The following WDPCP variants were observed in gnomAD, a reference collection of about 807,000 sequenced individuals.
WDPCP encodes WD repeat-containing and planar cell polarity effector protein fritz homolog.
Under a neutral mutation model 93.1 loss-of-function variants are expected in WDPCP, and 71 were observed. That is an observed-to-expected ratio of 0.76 (90% CI 0.63 to 0.93). WDPCP has a LOEUF of 0.93. WDPCP is among the 40% of genes least tolerant of loss of function. The pLI is 0.00. For missense variants in WDPCP, 844 were observed against 887.4 expected, an observed-to-expected ratio of 0.95 and a Z score of 0.62; for synonymous variants, 315 against 315.0, an observed-to-expected ratio of 1.00 and a Z score of 0.00.
chr2:63,387,506 T>G (rs1481277539), intron 10 of WDPCP, among the ~76,000 whole-genome samples: 1 of 149,430 alleles, frequency 6.7e-6, no homozygotes, highest in African/African-American at 2.5e-5. Flanking sequence ...AATAATAGAG[T>G]AACCTATGAT....
At chr2:63,472,959 T>C (rs544319202) in intron 6 of WDPCP, among the ~76,000 whole-genome samples, 1 of 152,350 alleles carries the variant, frequency 6.6e-6, no homozygotes, top group Non-Finnish European at 1.5e-5. Context: ...CTGAATTTAG[T>C]TCCATTTACG....
At chr2:63,676,204 AAAG>A (rs1351847618) in intron 2 of WDPCP, among the ~76,000 whole-genome samples, 2 of 152,234 alleles carry the variant, frequency 1.3e-5, no homozygotes, top group African/African-American at 4.8e-5. Context: ...CAAGAATCCA[AAAG>A]AAGAAGAAAG....
intron 2 of WDPCP, among the ~76,000 whole-genome samples, chr2:63,754,418 T>C (rs1669926568): frequency 6.6e-6 from 1 of 152,234 alleles, no homozygotes. Context: ...GAATATTTAA[T>C]GTAATGCCTT....
At chr2:63,433,069 T>A (rs941992571) in intron 9 of WDPCP, among the ~76,000 whole-genome samples, 4 of 152,152 alleles carry the variant, frequency 2.6e-5, no homozygotes, top group African/African-American at 9.7e-5. Flanking sequence ...GAGAATTCTG[T>A]AACCAAAGTA....
chr2:63,432,878 A>G (rs1696865673), intron 9 of WDPCP, among the ~76,000 whole-genome samples: 2 of 152,208 alleles, frequency 1.3e-5, no homozygotes, highest in African/African-American at 4.8e-5. Context: ...AGAACACAGA[A>G]TTAGCTAGAA....
chr2:63,759,963 G>T (rs1404398304), intron 2 of WDPCP, among the ~76,000 whole-genome samples: 2 of 152,218 alleles, frequency 1.3e-5, no homozygotes, highest in Non-Finnish European at 2.9e-5. Flanking sequence ...GGGGTGATGG[G>T]TGATAGCTGT....
chr2:63,418,360 T>A (rs1241539381), intron 9 of WDPCP, among the ~76,000 whole-genome samples: 1 of 152,140 alleles, frequency 6.6e-6, no homozygotes, highest in South Asian at 2.1e-4. Context: ...ATGACAACGA[T>A]CTGAACAAAA....
chr2:63,592,981 T>G (rs1709228011), upstream of WDPCP: 2 of 152,190 alleles, frequency 1.3e-5, no homozygotes, highest in Middle Eastern at 3.4e-3. Flanking sequence ...GTGTAGGCCA[T>G]TAAAGATTTT....
intron 17 of WDPCP, among the ~76,000 whole-genome samples, chr2:63,141,700 ATTC>A (rs1216148065): frequency 1.2e-4 from 19 of 152,148 alleles, no homozygotes; most frequent in Non-Finnish European, 1.5e-5. Context: ...ATTGGTACCA[ATTC>A]TTCTTTGAAT....
At chr2:63,414,816 C>T (rs1210902031) in intron 9 of WDPCP, among the ~76,000 whole-genome samples, 1 of 152,138 alleles carries the variant, frequency 6.6e-6, no homozygotes, top group Non-Finnish European at 1.5e-5. Context: ...TCTCCCAAAT[C>T]ATCACTAAAG....
chr2:63,597,234 TG>T (rs1709331035), intron 3 of WDPCP: 1 of 948,360 alleles, frequency 1.1e-6, no homozygotes, highest in Admixed American at 6.2e-5. Flanking sequence ...ATGTTATGAT[TG>T]TTAAATTAAT....
At chr2:63,525,771 G>T (rs1233931605) in intron 1 of WDPCP, among the ~76,000 whole-genome samples, 1 of 152,182 alleles carries the variant, frequency 6.6e-6, no homozygotes. Context: ...GCCAAGGGAG[G>T]CAAGTTGAGG....
intron 2 of WDPCP, among the ~76,000 whole-genome samples, chr2:63,656,073 G>A (rs1710162817): frequency 6.6e-6 from 1 of 152,174 alleles, no homozygotes; most frequent in South Asian, 2.1e-4. Flanking sequence ...GCCCTGTGGG[G>A]AATTGGCTGA....
intron 13 of WDPCP, among the ~76,000 whole-genome samples, chr2:63,294,037 A>C (rs1357851633): frequency 6.6e-6 from 1 of 151,668 alleles, no homozygotes; most frequent in African/African-American, 2.4e-5. Context: ...AGATGAACTC[A>C]AATAAACCCA....
chr2:63,642,296 G>A (rs1391665642), intron 3 of WDPCP, among the ~76,000 whole-genome samples: 1 of 151,974 alleles, frequency 6.6e-6, no homozygotes, highest in Non-Finnish European at 1.5e-5. Flanking sequence ...TGATTAGTGT[G>A]GGTTTTTGTG....
chr2:63,444,452 C>G (rs903921489), intron 6 of WDPCP, among the ~76,000 whole-genome samples: 1 of 152,032 alleles, frequency 6.6e-6, no homozygotes, highest in Non-Finnish European at 1.5e-5. Context: ...AATATTCCAG[C>G]CCAGACAGGA....
At chr2:63,310,776 T>A (rs963689341) in intron 13 of WDPCP, among the ~76,000 whole-genome samples, 1 of 152,136 alleles carries the variant, frequency 6.6e-6, no homozygotes, top group African/African-American at 2.4e-5. Flanking sequence ...GGAGGATTGC[T>A]TGAGCCCAGG....
At chr2:63,285,009 A>G (rs1472536502) in intron 13 of WDPCP, among the ~76,000 whole-genome samples, 1 of 152,248 alleles carries the variant, frequency 6.6e-6, no homozygotes, top group Non-Finnish European at 1.5e-5. Context: ...AAACAAAAAC[A>G]AATTAATTCA....
intron 14 of WDPCP, among the ~76,000 whole-genome samples, chr2:63,188,393 A>C (rs1172265733): frequency 1.3e-5 from 2 of 151,958 alleles, no homozygotes; most frequent in African/African-American, 4.8e-5. Flanking sequence ...CAATAATTCC[A>C]AATGTGCTAA....
Sources: gnomAD v4.1 joint callset for allele counts (sites outside exome capture counted in the v4.1 genomes callset) on GRCh38, gnomAD v4.1.1 for gene constraint, MANE v1.5 for transcripts, NCBI Gene and HGNC (gene_info 2026-07-23, HGNC 2026-07-21) for gene names.